The following ARHGAP32 variants were observed in gnomAD, a reference collection of about 807,000 sequenced individuals.
ARHGAP32 encodes the protein rho GTPase-activating protein 32.
Under a neutral mutation model 186.5 loss-of-function variants are expected in ARHGAP32, and 51 were observed. The observed-to-expected ratio is 0.27, with a 90% confidence interval of 0.22 to 0.35. The LOEUF is 0.35. ARHGAP32 is among the 10% of genes least tolerant of loss of function. The probability of loss-of-function intolerance (pLI) is 1.00; values close to 1 mark genes in which losing one functional copy is unlikely to be tolerated. For missense variants in ARHGAP32, 2,186 were observed against 2,623.5 expected (o/e 0.83, Z 3.64); for synonymous variants, 950 against 964.3 (o/e 0.99, Z 0.27).
chr11:129,068,698 T>C (rs1236669753), intron 6 of ARHGAP32, among the ~76,000 whole-genome samples: 2 of 152,084 alleles, frequency 1.3e-5, no homozygotes, highest in East Asian at 3.8e-4. Context: ...TTTGTATGAA[T>C]TGCCTATTAC....
intron 5 of ARHGAP32, among the ~76,000 whole-genome samples, chr11:129,110,232 T>C (rs1942169913): frequency 6.6e-6 from 1 of 152,110 alleles, no homozygotes; most frequent in Non-Finnish European, 1.5e-5. Context: ...TTGGCAACTT[T>C]ATAAAAAAAA....
intron 12 of ARHGAP32, among the ~76,000 whole-genome samples, chr11:128,997,400 A>T (rs1243663019): frequency 6.6e-6 from 1 of 152,176 alleles, no homozygotes; most frequent in Non-Finnish European, 1.5e-5. Context: ...TGAACTTGAT[A>T]CTATCAACTC....
At chr11:129,186,865 A>G (rs920988762) in intron 1 of ARHGAP32, among the ~76,000 whole-genome samples, 1 of 152,212 alleles carries the variant, frequency 6.6e-6, no homozygotes, top group African/African-American at 2.4e-5. Context: ...AGGCAATAAC[A>G]AATGCCGGCA....
chr11:129,173,738 T>C (rs1341747877), intron 1 of ARHGAP32, among the ~76,000 whole-genome samples: 1 of 152,208 alleles, frequency 6.6e-6, no homozygotes, highest in Non-Finnish European at 1.5e-5. Flanking sequence ...TCATAAATTC[T>C]TTAAAATATT....
chr11:129,269,979 ATTC>A (rs1945454319), intron 1 of ARHGAP32, among the ~76,000 whole-genome samples: 1 of 152,090 alleles, frequency 6.6e-6, no homozygotes, highest in South Asian at 2.1e-4. Context: ...AACTAAACTT[ATTC>A]TTAACATATG....
Position 129,123,903 on chromosome 11 carries a change from C to T in ARHGAP32, c.344G>A (p.Cys115Tyr), listed in dbSNP as rs777289233. ...KKSTTPGLMG[C>Y]DNIHRLPFTK... ...CAGATTTTACCTGTGAATGTTGTCACAGCCCATCAGTCCTGGAGTGGTGGA... is the reference window on the plus strand; with the variant it reads ...CAGATTTTACCTGTGAATGTTGTCATAGCCCATCAGTCCTGGAGTGGTGGA... The change falls in exon 4 of 23, where the codon TGT becomes TAT. Residue 115 changes from cysteine to tyrosine, a missense_variant. Physicochemically the swap from Cys to Tyr is radical, Grantham distance 194. Around this residue, in one of 5 missense-constraint regions of ARHGAP32, gnomAD observed 308 missense variants for 596.5 expected, o/e 0.52. Transcript: ENST00000682385. The surrounding 1 kb of genome is among the most constrained non-coding windows in gnomAD (Gnocchi z 4.6). 54 of 1,293,838 alleles carry T rather than the reference C, an allele frequency of 4.2e-5. No homozygotes were observed. In the Middle Eastern group the frequency reaches 1.1e-3, roughly 25 times the overall value. 80.1% of individuals were successfully genotyped at this position (1,293,838 alleles called of 1,614,324 possible). A position where few individuals can be genotyped will look rare whatever the true frequency, so the allele number is the denominator to read the frequency against.
At chr11:129,162,723 A>T (rs1352244777) in intron 2 of ARHGAP32, among the ~76,000 whole-genome samples, 3 of 152,184 alleles carry the variant, frequency 2.0e-5, no homozygotes, top group African/African-American at 7.2e-5. Context: ...AGACTTGATG[A>T]TATTTCTTGG....
Position 129,269,998 on chromosome 11 carries a change from G to A in ARHGAP32, c.-5+9148C>T, listed in dbSNP as rs141841181. Among the ~76,000 whole-genome samples the A allele has an allele frequency of 5.3e-5, 8 of 151,682 alleles. No individual in the cohort carries two copies. The East Asian group carries it at 5.8e-4, about 11-fold the overall frequency. Reference sequence around the variant, plus strand: ...AAACTTATTCTTAACATATGATCCCGCAATCGCATGCTTAGGTATTTACAC... The same window carrying A: ...AAACTTATTCTTAACATATGATCCCACAATCGCATGCTTAGGTATTTACAC... On this transcript the variant is annotated intron_variant, in intron 1 of 6. Transcript: ENST00000525234.
chr11:129,181,515 C>T (rs971135493), intron 1 of ARHGAP32, among the ~76,000 whole-genome samples: 2 of 152,084 alleles, frequency 1.3e-5, no homozygotes, highest in African/African-American at 4.8e-5. Context: ...AATTTTCCTA[C>T]TTTTCAAAGG....
intron 2 of ARHGAP32, among the ~76,000 whole-genome samples, chr11:129,139,472 G>A (rs748745934): frequency 5.9e-4 from 90 of 152,100 alleles, no homozygotes; most frequent in Non-Finnish European, 1.2e-3. Context: ...AATTGATATC[G>A]TTTGACTGTG....
intron 11 of ARHGAP32, among the ~76,000 whole-genome samples, chr11:129,015,531 C>A (rs1472906462): frequency 6.6e-6 from 1 of 152,168 alleles, no homozygotes; most frequent in Non-Finnish European, 1.5e-5. Flanking sequence ...GCCACTGTTT[C>A]CGCAATCCTA....
At chr11:129,075,571 C>T (rs1216290336) in intron 6 of ARHGAP32, among the ~76,000 whole-genome samples, 1 of 151,990 alleles carries the variant, frequency 6.6e-6, no homozygotes, top group Admixed American at 6.5e-5. Context: ...TTATTTAACA[C>T]CCCCCTATTA....
chr11:129,052,473 T>C (rs1459760900), intron 10 of ARHGAP32, among the ~76,000 whole-genome samples: 7 of 152,220 alleles, frequency 4.6e-5, no homozygotes, highest in Admixed American at 6.5e-5. Flanking sequence ...TAGATCAATA[T>C]GGGAAGAAAC....
At position 128,974,261 on chromosome 11, in the gene ARHGAP32, A is replaced by C; in HGVS notation, c.2936T>G (p.Val979Gly). The C allele has an allele frequency of 1.2e-6, 2 of 1,614,154 alleles. No individual in the cohort carries two copies. The highest frequency in any genetic ancestry group is 1.7e-6 in the Non-Finnish European group (2 of 1,179,996). Residue 979 changes from valine to glycine, a missense_variant, in exon 21 of 23, where the codon GTT becomes GGT. Coordinates refer to ENST00000682385, the MANE Select transcript of ARHGAP32 (RefSeq NM_001378024.1). Reference protein sequence around the residue: ...QIVKMKTNETVAQEAYESEVQ... With the variant: ...QIVKMKTNETGAQEAYESEVQ... ...TTCAGATTCATATGCTTCTTGGGCAACTGTCTCATTTGTTTTCATCTTTAC... is the reference window on the plus strand; with the variant it reads ...TTCAGATTCATATGCTTCTTGGGCACCTGTCTCATTTGTTTTCATCTTTAC...
chr11:129,082,053 G>A (rs1448690160), intron 6 of ARHGAP32, among the ~76,000 whole-genome samples: 2 of 151,988 alleles, frequency 1.3e-5, no homozygotes, highest in African/African-American at 2.4e-5. Context: ...CCTAACCAAG[G>A]AGGTGAAAAA....
intron 1 of ARHGAP32, among the ~76,000 whole-genome samples, chr11:129,258,055 T>C (rs905490269): frequency 1.3e-5 from 2 of 151,734 alleles, no homozygotes; most frequent in East Asian, 1.9e-4. Context: ...TTGTCTAAAA[T>C]AGCAATGTAA....
At chr11:128,990,147 A>C (rs1045332684) in intron 12 of ARHGAP32, among the ~76,000 whole-genome samples, 16 of 152,264 alleles carry the variant, frequency 1.1e-4, no homozygotes, top group African/African-American at 3.8e-4. Context: ...CTCTCCCATA[A>C]CGCTCTTCGT....
intron 11 of ARHGAP32, among the ~76,000 whole-genome samples, chr11:129,009,208 T>C (rs928680436): frequency 3.3e-5 from 5 of 152,234 alleles, no homozygotes; most frequent in African/African-American, 1.2e-4. Context: ...AAAGGACACA[T>C]TCCACATATT....
intron 8 of ARHGAP32, 69 bp downstream of exon 8, chr11:129,064,772 G>A (rs1940630407): frequency 8.2e-7 from 1 of 1,214,510 alleles, no homozygotes; most frequent in South Asian, 1.3e-5. Context: ...TCAAAATTAT[G>A]TTAATATCAA....
Sources: allele counts gnomAD v4.1 joint callset (sites outside exome capture counted in the v4.1 genomes callset), GRCh38; gene constraint gnomAD v4.1.1; regional missense constraint gnomAD v4.1.1; non-coding constraint Gnocchi (gnomAD v3.1); transcripts MANE v1.5; gene names NCBI Gene and HGNC (gene_info 2026-07-23, HGNC 2026-07-21).